SLC4A8: variants seen among roughly 807,000 people sequenced by gnomAD.
The protein encoded by SLC4A8 is solute carrier family 4 member 8, also known as electroneutral sodium bicarbonate exchanger 1.
A neutral mutation model predicts 125.0 loss-of-function variants in SLC4A8; 40 were observed. The observed-to-expected ratio is 0.32, with a 90% CI of 0.25 to 0.42. SLC4A8 has a LOEUF of 0.42. Ranked by LOEUF, SLC4A8 falls within the 10% of genes least tolerant of loss-of-function variation. SLC4A8 has a pLI of 1.00. For missense variants in SLC4A8, 863 were observed against 1,355.1 expected, an observed-to-expected ratio of 0.64 and a Z score of 5.70; for synonymous variants, 456 against 476.0, an observed-to-expected ratio of 0.96 and a Z score of 0.55.
chr12:51,474,996 T>C, intron 15 of SLC4A8, 49 bp from the exon 16 acceptor site: 2 of 1,543,206 alleles, frequency 1.3e-6, no homozygotes, highest in Non-Finnish European at 1.8e-6. Flanking sequence ...AAACAGCTAT[T>C]TATTTGGTTG....
chr12:51,395,043 A>T (rs907306593), intron 1 of SLC4A8, among the ~76,000 whole-genome samples: 5 of 83,048 alleles, frequency 6.0e-5, no homozygotes, highest in Non-Finnish European at 1.6e-4. Flanking sequence ...AAAAATAAAT[A>T]AAAAAAAAAC....
intron 1 of SLC4A8, among the ~76,000 whole-genome samples, chr12:51,408,500 G>A (rs894216722): frequency 6.6e-6 from 1 of 152,150 alleles, no homozygotes. Context: ...GCTTCCGAAA[G>A]TGCTGGGATT....
rs745332713 is a variant in SLC4A8 at position 51,450,941 on chromosome 12, A to G, written c.196A>G (p.Thr66Ala). Residue 66 changes from threonine to alanine, a missense_variant, in exon 3 of 25, where the codon ACT becomes GCT. This residue lies in a region of SLC4A8 where 104 missense variants were observed against 116.4 expected (regional missense o/e 0.89). Transcript: ENST00000453097. ...LGRQSHRHHR[T>A]HGQKHRRRGR... ...CCGGCAGAGCCATCGGCATCACCGC[A>G]CTCATGGCCAGAAGCACCGGAGACG... 6.2e-7 allele frequency: 1 copy of G among 1,607,046 alleles called. No individual in the cohort carries two copies. Among genetic ancestry groups the G allele is most frequent in the Admixed American group, 1.7e-5 (1 of 59,262 alleles).
At chr12:51,435,025 A>G (rs571199479) in intron 1 of SLC4A8, among the ~76,000 whole-genome samples, 31 of 152,336 alleles carry the variant, frequency 2.0e-4, no homozygotes, top group African/African-American at 7.0e-4. Flanking sequence ...TTGAGGGGAC[A>G]GAATCTGGAT....
intron 1 of SLC4A8, among the ~76,000 whole-genome samples, chr12:51,434,656 T>C (rs1949344146): frequency 6.6e-6 from 1 of 152,164 alleles, no homozygotes; most frequent in African/African-American, 2.4e-5. Context: ...TATTTTGCAG[T>C]TACAATTTTA....
Position 51,457,383 on chromosome 12 carries a change from G to T in SLC4A8, c.607G>T (p.Asp203Tyr). 1.2e-6 allele frequency: 2 copies of T among 1,613,880 alleles called. No homozygotes were observed. Among genetic ancestry groups the T allele is most frequent in the South Asian group, 1.1e-5 (1 of 91,060 alleles). ...CCTGGATCAGCAAGAACTGTCCAGTGACCTGAATGACAGCATGAGGGTTAA... is the reference window on the plus strand; with the variant it reads ...CCTGGATCAGCAAGAACTGTCCAGTTACCTGAATGACAGCATGAGGGTTAA... ...LILDQQELSS[D>Y]LNDSMRVKVR... is the part of the protein sequence containing the mutation. The change falls in exon 6 of 25, where the codon GAC (aspartate) becomes TAC (tyrosine). Residue 203 changes from aspartate (D) to tyrosine (Y), a missense_variant. Physicochemically the swap from Asp to Tyr is radical, Grantham distance 160. This residue lies in a region of SLC4A8 where 390 missense variants were observed against 634.4 expected (regional missense o/e 0.61). Coordinates refer to ENST00000453097, the MANE Select transcript of SLC4A8 (RefSeq NM_001039960.3).
chr12:51,470,957 T>C (rs2292215), intron 13 of SLC4A8, among the ~76,000 whole-genome samples: 8,414 of 152,190 alleles, frequency 0.055, 715 homozygotes, highest in African/African-American at 0.18. Context: ...CTTTTTTCCT[T>C]TTATATTTCA....
Position 51,394,273 on chromosome 12 carries a change from T to G in SLC4A8, c.-112+2785T>G, listed in dbSNP as rs567159905. 4.8e-4 allele frequency among the ~76,000 whole-genome samples: 73 copies of G among 152,392 alleles called. No individual in the cohort carries two copies. The Middle Eastern group carries it at 0.02, about 43-fold the overall frequency. On this transcript the variant is annotated intron_variant, in intron 1 of 24. Coordinates refer to the SLC4A8 transcript ENST00000358657. ...GCATTCCGGAAGCAAATTACTCATC[T>G]GATTTTACTTCAGCTGACGCTGATT...
chr12:51,469,514 G>A (rs951037602), intron 11 of SLC4A8, 100 bp from the exon 12 acceptor site: 16 of 1,053,670 alleles, frequency 1.5e-5, no homozygotes, highest in East Asian at 5.0e-5. Context: ...AAGTCTTACC[G>A]CTGAACAGAG....
At chr12:51,484,526 A>C (rs939774865) in intron 16 of SLC4A8, among the ~76,000 whole-genome samples, 4 of 152,194 alleles carry the variant, frequency 2.6e-5, no homozygotes, top group African/African-American at 9.7e-5. Context: ...GGATACTCAG[A>C]GAATTTATAT....
chr12:51,477,274 TGTGTGTGAAA>T (rs1161605140), intron 16 of SLC4A8, among the ~76,000 whole-genome samples: 1 of 152,258 alleles, frequency 6.6e-6, no homozygotes, highest in Non-Finnish European at 1.5e-5. Context: ...ATTTTGTGAA[TGTGTGTGAAA>T]GTGTGAGACC....
chr12:51,500,353 C>T (rs1248382842), intron 22 of SLC4A8, among the ~76,000 whole-genome samples: 2 of 152,048 alleles, frequency 1.3e-5, no homozygotes, highest in African/African-American at 4.8e-5. Flanking sequence ...CACCTCATAG[C>T]CAACATTCAT....
At chr12:51,419,195 C>T (rs1948739372) in intron 1 of SLC4A8, among the ~76,000 whole-genome samples, 1 of 152,242 alleles carries the variant, frequency 6.6e-6, no homozygotes, top group African/African-American at 2.4e-5. Flanking sequence ...CTATACCTAG[C>T]TACATTTCCA....
intron 1 of SLC4A8, among the ~76,000 whole-genome samples, chr12:51,393,883 C>G (rs539060026): frequency 8.1e-4 from 123 of 152,326 alleles, no homozygotes; most frequent in African/African-American, 2.9e-3. Context: ...ACCTCACTGC[C>G]CCAGCTGCTT....
rs536747575 is a variant in SLC4A8 at position 51,432,722 on chromosome 12, A to AAAAC, written c.48+7703_48+7706dup. Among the ~76,000 whole-genome samples the AAAAC allele has an allele frequency of 5.2e-3, 788 of 152,276 alleles. 8 individuals are homozygous for AAAAC. Among genetic ancestry groups the AAAAC allele is most frequent in the African/African-American group, 0.018 (731 of 41,536 alleles). ...TGGTGACAGAGCGAGACTCTGTCTC[A>AAAAC]AAACAAACAAACAAACAAAAAACTC... On this transcript the variant is annotated intron_variant, in intron 1 of 24. Coordinates refer to ENST00000453097, the MANE Select transcript of SLC4A8 (RefSeq NM_001039960.3).
intron 2 of SLC4A8, 190 bp downstream of exon 2, chr12:51,440,979 G>A: frequency 1.0e-6 from 1 of 976,948 alleles, no homozygotes; most frequent in Middle Eastern, 3.6e-4. Context: ...TACCTTACAG[G>A]GATATCATTA....
intron 6 of SLC4A8, 42 bp downstream of exon 6, chr12:51,457,581 A>G (rs766831921): frequency 9.0e-6 from 14 of 1,556,310 alleles, no homozygotes; most frequent in South Asian, 1.2e-5. Flanking sequence ...TTAATAAGAC[A>G]TTGGGAACTA....
chr12:51,502,815 C>T (rs1158300980), intron 22 of SLC4A8, among the ~76,000 whole-genome samples: 2 of 149,068 alleles, frequency 1.3e-5, no homozygotes, highest in Admixed American at 1.4e-4. Context: ...GAACTACAGG[C>T]ATGCACCACC....
chr12:51,427,336 G>A (rs576389386), intron 1 of SLC4A8, among the ~76,000 whole-genome samples: 3 of 152,164 alleles, frequency 2.0e-5, no homozygotes, highest in Admixed American at 1.3e-4. Flanking sequence ...ATGTTTACAG[G>A]TTATATTATT....
Sources: allele counts gnomAD v4.1 joint callset (sites outside exome capture counted in the v4.1 genomes callset), GRCh38; gene constraint gnomAD v4.1.1; regional missense constraint gnomAD v4.1.1; transcripts MANE v1.5; gene names NCBI Gene and HGNC (gene_info 2026-07-23, HGNC 2026-07-21).